ELMO1: variants seen among roughly 807,000 people sequenced by gnomAD.
The protein encoded by ELMO1 is engulfment and cell motility 1, also known as engulfment and cell motility protein 1.
ELMO1 carries 26 observed loss-of-function variants against 98.9 expected under a neutral mutation model. The ratio of observed to expected loss-of-function variants is 0.26; its 90% CI spans 0.19 to 0.36. The LOEUF (loss-of-function observed/expected upper bound fraction) is 0.36, where lower values mean the gene tolerates loss of function less well. Among genes scored for constraint, ELMO1 ranks in the 10% least tolerant of loss-of-function variants. The pLI, the probability that ELMO1 is intolerant of heterozygous loss-of-function variation, is 1.00. For synonymous variants in ELMO1, 346 were observed against 346.0 expected (o/e 1.00, Z 0.00); for missense variants, 627 against 935.2 (o/e 0.67, Z 4.30).
chr7:36,985,803 T>G, intron 16 of ELMO1: 1 of 614,036 alleles, frequency 1.6e-6, no homozygotes, highest in Non-Finnish European at 2.1e-6. Flanking sequence ...AACCCTTGAA[T>G]GCCCGCTCCT....
chr7:37,076,916 C>T (rs933283632), intron 15 of ELMO1, among the ~76,000 whole-genome samples: 4 of 152,350 alleles, frequency 2.6e-5, no homozygotes, highest in Middle Eastern at 3.4e-3. Context: ...AGAGCCTTCC[C>T]ATTGCCTTCT....
intron 15 of ELMO1, among the ~76,000 whole-genome samples, chr7:37,076,427 G>T (rs1287229904): frequency 1.3e-5 from 2 of 152,270 alleles, no homozygotes; most frequent in Admixed American, 6.5e-5. Context: ...AAGAATAAAG[G>T]TTCAGGAAAC....
At chr7:37,422,511 T>C (rs1329366299) in intron 1 of ELMO1, among the ~76,000 whole-genome samples, 1 of 152,180 alleles carries the variant, frequency 6.6e-6, no homozygotes, top group Non-Finnish European at 1.5e-5. Context: ...TCTTAGAGGA[T>C]TCAGCTATTC....
intron 1 of ELMO1, among the ~76,000 whole-genome samples, chr7:37,392,762 G>C (rs1206248252): frequency 6.6e-6 from 1 of 152,200 alleles, no homozygotes; most frequent in Non-Finnish European, 1.5e-5. Context: ...TCTGCCTACA[G>C]GGAGGAAATC....
intron 13 of ELMO1, among the ~76,000 whole-genome samples, chr7:37,156,083 A>G (rs940678014): frequency 6.6e-6 from 1 of 152,210 alleles, no homozygotes; most frequent in Admixed American, 6.5e-5. Context: ...TACTAGGTAC[A>G]TAACAAAATG....
intron 1 of ELMO1, among the ~76,000 whole-genome samples, chr7:37,410,170 T>G (rs559137123): frequency 1.3e-5 from 2 of 152,210 alleles, no homozygotes; most frequent in African/African-American, 4.8e-5. Context: ...CTTCTTTGCA[T>G]AGGCAGGATT....
chr7:37,417,486 C>T (rs1804273317), intron 1 of ELMO1, among the ~76,000 whole-genome samples: 1 of 152,154 alleles, frequency 6.6e-6, no homozygotes, highest in African/African-American at 2.4e-5. Flanking sequence ...TGGTGAAACC[C>T]TGCCTCTACT....
chr7:36,902,437 C>G (rs945399730), intron 16 of ELMO1, among the ~76,000 whole-genome samples: 1 of 152,182 alleles, frequency 6.6e-6, no homozygotes, highest in Non-Finnish European at 1.5e-5. Context: ...CAGTGCTGTG[C>G]TTAATGTGGG....
chr7:37,280,721 G>A (rs896778257), intron 4 of ELMO1, among the ~76,000 whole-genome samples: 1 of 152,104 alleles, frequency 6.6e-6, no homozygotes, highest in Admixed American at 6.5e-5. Context: ...GCATGGATGT[G>A]GTAAACAGAG....
rs772830948 is a variant in ELMO1, at chr7:36,855,716, G to C, written c.2019C>G (p.Leu673=). ...CIWTDGLNAL[L]GKDMMSDLTR... ...TCAGGTCGCTCATCATGTCCTTCCC[G>C]AGTAGCGCATTCAGTCCATCCGTCC... Residue 673 remains leucine (L), a synonymous_variant, in exon 22 of 22, where the codon CTC becomes CTG. Coordinates refer to ENST00000310758, the MANE Select transcript of ELMO1 (RefSeq NM_014800.11). The surrounding 1 kb of genome is among the most constrained non-coding windows in gnomAD (Gnocchi z 4.2). The C allele has an allele frequency of 8.1e-6, 13 of 1,614,088 alleles. No individual in the cohort carries two copies. The Admixed American group carries it at 2.0e-4, about 25-fold the overall frequency.
At chr7:37,090,610 C>A (rs1384870875) in intron 15 of ELMO1, among the ~76,000 whole-genome samples, 1 of 152,034 alleles carries the variant, frequency 6.6e-6, no homozygotes, top group East Asian at 1.9e-4. Context: ...GAATTTTCAA[C>A]AGCCGCCTCC....
At chr7:37,025,357 G>C (rs1794505965) in intron 15 of ELMO1, among the ~76,000 whole-genome samples, 1 of 152,148 alleles carries the variant, frequency 6.6e-6, no homozygotes, top group Non-Finnish European at 1.5e-5. Context: ...TGGTATTGAT[G>C]AGGCATAGGG....
chr7:36,959,658 T>C (rs1469112124), intron 16 of ELMO1, among the ~76,000 whole-genome samples: 1 of 152,122 alleles, frequency 6.6e-6, no homozygotes, highest in African/African-American at 2.4e-5. Flanking sequence ...CTCTCTATAA[T>C]CTCTTTTCAA....
At chr7:37,219,861 A>G (rs1035728264) in intron 10 of ELMO1, among the ~76,000 whole-genome samples, 3 of 152,278 alleles carry the variant, frequency 2.0e-5, no homozygotes, top group Non-Finnish European at 2.9e-5. Context: ...TGCTTGGCAC[A>G]TGCCAGACTC....
chr7:37,076,717 G>A (rs1351990773), intron 15 of ELMO1, among the ~76,000 whole-genome samples: 2 of 152,220 alleles, frequency 1.3e-5, no homozygotes, highest in African/African-American at 4.8e-5. Context: ...TCTAGCAGCA[G>A]CAGGACCCAT....
intron 13 of ELMO1, among the ~76,000 whole-genome samples, chr7:37,140,963 A>G (rs889763139): frequency 2.6e-5 from 4 of 152,210 alleles, no homozygotes; most frequent in Non-Finnish European, 5.9e-5. Flanking sequence ...CACTATAGAA[A>G]ACAGTGTGGA....
intron 1 of ELMO1, among the ~76,000 whole-genome samples, chr7:37,400,748 T>G (rs2131457306): frequency 6.6e-6 from 1 of 152,320 alleles, no homozygotes; most frequent in East Asian, 1.9e-4. Flanking sequence ...GATGGCCATC[T>G]TCTTATCTCC....
chr7:37,182,563 T>C (rs111778543), intron 13 of ELMO1, among the ~76,000 whole-genome samples: 7 of 149,530 alleles, frequency 4.7e-5, no homozygotes, highest in African/African-American at 1.7e-4. Flanking sequence ...CTTTCTCTCT[T>C]TCTCTCTCTC....
intron 15 of ELMO1, among the ~76,000 whole-genome samples, chr7:37,052,526 A>G (rs749437104): frequency 6.6e-6 from 1 of 152,224 alleles, no homozygotes; most frequent in Non-Finnish European, 1.5e-5. Flanking sequence ...AAGTCTACTA[A>G]GATTCAATGA....
Sources: gnomAD v4.1 joint callset for allele counts (sites outside exome capture counted in the v4.1 genomes callset) on GRCh38, gnomAD v4.1.1 for gene constraint, Gnocchi (gnomAD v3.1) non-coding constraint, MANE v1.5 for transcripts, NCBI Gene and HGNC (gene_info 2026-07-23, HGNC 2026-07-21) for gene names.